The following RIGI variants were observed in gnomAD, a reference collection of about 807,000 sequenced individuals.
RIGI encodes the protein antiviral innate immune response receptor RIG-I.
the RIGI span, among the ~76,000 whole-genome samples, chr9:32,502,181 C>T: frequency 1.5e-3 from 224 of 152,290 alleles, 1 homozygote; most frequent in African/African-American, 5.1e-3. Flanking sequence ...TGTTGTAGCA[C>T]GTTATTATTC....
At chr9:32,466,043 G>A in the RIGI span, among the ~76,000 whole-genome samples, 1 of 152,148 alleles carries the variant, frequency 6.6e-6, no homozygotes, top group Admixed American at 6.5e-5. Context: ...GAGATGAACT[G>A]TCAACTAGAG....
the RIGI span, among the ~76,000 whole-genome samples, chr9:32,494,494 A>AAACATACAT: frequency 6.6e-6 from 1 of 152,204 alleles, no homozygotes. Flanking sequence ...AATGGCCAAG[A>AAACATACAT]AACATACATA....
chr9:32,471,322 A>G, the RIGI span, among the ~76,000 whole-genome samples: 1 of 152,224 alleles, frequency 6.6e-6, no homozygotes, highest in African/African-American at 2.4e-5. Flanking sequence ...CTTGAGATAT[A>G]TTTTGCTAAG....
chr9:32,493,921 G>A, the RIGI span: 3 of 1,603,394 alleles, frequency 1.9e-6, no homozygotes, highest in Non-Finnish European at 2.5e-6. Flanking sequence ...ACTTTCAATG[G>A]CTTCATAAAG....
chr9:32,503,723 G>A, the RIGI span, among the ~76,000 whole-genome samples: 7 of 152,112 alleles, frequency 4.6e-5, no homozygotes, highest in Non-Finnish European at 1.0e-4. Context: ...CAGAATCATG[G>A]TTGGCCTTTG....
chr9:32,486,228 G>C, the RIGI span, among the ~76,000 whole-genome samples: 1 of 152,020 alleles, frequency 6.6e-6, no homozygotes, highest in Non-Finnish European at 1.5e-5. Flanking sequence ...GAGGAGGGTG[G>C]ATCACTTGAG....
the RIGI span, among the ~76,000 whole-genome samples, chr9:32,458,889 C>T: frequency 1.5e-4 from 19 of 125,004 alleles, no homozygotes; most frequent in East Asian, 4.7e-4. Flanking sequence ...TTTAGCATGA[C>T]TTTTTTTTTT....
the RIGI span, chr9:32,492,569 A>G: frequency 1.9e-6 from 3 of 1,612,064 alleles, no homozygotes; most frequent in Non-Finnish European, 2.5e-6. Context: ...TTATTGATCA[A>G]TTATCTCAAA....
chr9:32,511,737 A>T, the RIGI span, among the ~76,000 whole-genome samples: 1 of 152,222 alleles, frequency 6.6e-6, no homozygotes, highest in African/African-American at 2.4e-5. Flanking sequence ...AGATCAGAGC[A>T]GAACTGAAGG....
At chr9:32,521,422 C>T in the RIGI span, among the ~76,000 whole-genome samples, 12 of 152,066 alleles carry the variant, frequency 7.9e-5, no homozygotes, top group African/African-American at 2.4e-4. Context: ...GAAACTGAGT[C>T]GCCTATCAAA....
chr9:32,513,948 T>C, the RIGI span, among the ~76,000 whole-genome samples: 1 of 152,184 alleles, frequency 6.6e-6, no homozygotes, highest in Non-Finnish European at 1.5e-5. Context: ...TGAAGACATT[T>C]ATACCACGAA....
chr9:32,505,374 G>A, the RIGI span, among the ~76,000 whole-genome samples: 4 of 152,016 alleles, frequency 2.6e-5, no homozygotes, highest in South Asian at 2.1e-4. Context: ...GTTCTTCAGG[G>A]TGCTTTTTCT....
chr9:32,524,480 G>A, the RIGI span, among the ~76,000 whole-genome samples: 9 of 150,958 alleles, frequency 6.0e-5, 1 homozygote, highest in African/African-American at 1.9e-4. Context: ...TAGCATTCAA[G>A]TTAGTTGCCG....
At chr9:32,459,295 T>A in the RIGI span, 1 of 1,507,152 alleles carries the variant, frequency 6.6e-7, no homozygotes, top group Non-Finnish European at 9.0e-7. Context: ...AGTAGTTTTA[T>A]TATAAATATT....
At chr9:32,460,545 TA>T in the RIGI span, among the ~76,000 whole-genome samples, 4 of 152,094 alleles carry the variant, frequency 2.6e-5, no homozygotes, top group African/African-American at 9.6e-5. Context: ...AAGCACCTAA[TA>T]AAGATGCTTC....
chr9:32,516,637 T>C, the RIGI span, among the ~76,000 whole-genome samples: 2 of 152,206 alleles, frequency 1.3e-5, no homozygotes, highest in Non-Finnish European at 2.9e-5. Context: ...CAAGATCTGC[T>C]CAATTTGAAA....
chr9:32,455,797 A>T, the RIGI span: 1 of 152,202 alleles, frequency 6.6e-6, no homozygotes, highest in Non-Finnish European at 1.5e-5. Flanking sequence ...TACTTTTCAC[A>T]CATTCTTTTA....
At chr9:32,521,695 G>A in the RIGI span, among the ~76,000 whole-genome samples, 1 of 152,192 alleles carries the variant, frequency 6.6e-6, no homozygotes, top group African/African-American at 2.4e-5. Flanking sequence ...ATTATCAAAT[G>A]TGAGGTGGTA....
At chr9:32,489,489 T>G in the RIGI span, 2 of 1,363,908 alleles carry the variant, frequency 1.5e-6, no homozygotes, top group Non-Finnish European at 2.1e-6. Flanking sequence ...AAACAGTTCC[T>G]GCTCTGAGGA....
Sources: allele counts gnomAD v4.1 joint callset (sites outside exome capture counted in the v4.1 genomes callset), GRCh38; gene constraint gnomAD v4.1.1; transcripts MANE v1.5; gene names NCBI Gene and HGNC (gene_info 2026-07-23, HGNC 2026-07-21).